DIRAS2: variants seen among roughly 807,000 people sequenced by gnomAD.
DIRAS2 encodes DIRAS family GTPase 2.
In DIRAS2, 5 loss-of-function variants were observed where a neutral mutation model predicts 13.9. The ratio of observed to expected loss-of-function variants is 0.36; its 90% CI spans 0.19 to 0.76. The LOEUF (loss-of-function observed/expected upper bound fraction) is 0.76, where lower values mean the gene tolerates loss of function less well. Ranked by LOEUF, DIRAS2 falls within the 30% of genes least tolerant of loss-of-function variation. The probability of loss-of-function intolerance (pLI) is 0.53; values close to 1 mark genes in which losing one functional copy is unlikely to be tolerated. For synonymous variants in DIRAS2, 111 were observed against 105.4 expected, an observed-to-expected ratio of 1.05 and a Z score of -0.33; for missense variants, 191 against 263.0, an observed-to-expected ratio of 0.73 and a Z score of 1.89.
At position 90,629,032 on chromosome 9, in the gene DIRAS2, T is replaced by C. The variant is rs1228537573; in HGVS notation, c.-37+13720A>G. Among the ~76,000 whole-genome samples the C allele has an allele frequency of 5.3e-5, 8 of 151,992 alleles. No individual in the cohort carries two copies. The South Asian group carries it at 1.0e-3, about 20-fold the overall frequency. ...ACCACGCCCGGCTAATTTTTTGTATTTTTAGTAGAGACGGGGTTTCACCGT... is the reference window on the plus strand; with the variant it reads ...ACCACGCCCGGCTAATTTTTTGTATCTTTAGTAGAGACGGGGTTTCACCGT... On this transcript the variant is annotated intron_variant, in intron 1 of 1. Transcript: ENST00000375765.
intron 1 of DIRAS2, among the ~76,000 whole-genome samples, chr9:90,637,538 A>T (rs2118586867): frequency 6.6e-6 from 1 of 152,288 alleles, no homozygotes; most frequent in African/African-American, 2.4e-5. Flanking sequence ...CTATTTCCCC[A>T]AACCTTGCAT....
At chr9:90,623,636 A>C (rs1389442959) in intron 1 of DIRAS2, among the ~76,000 whole-genome samples, 13 of 152,202 alleles carry the variant, frequency 8.5e-5, no homozygotes, top group Admixed American at 8.5e-4. Flanking sequence ...CCATTCAATA[A>C]TATTTTAGAA....
rs1470511225 is a variant in DIRAS2 at position 90,610,802 on chromosome 9, A to T, written c.*2426T>A. 1 of 123,860 alleles carries T rather than the reference A, an allele frequency of 8.1e-6. No individual in the cohort carries two copies. The highest frequency in any genetic ancestry group is 1.7e-5 in the Non-Finnish European group (1 of 60,548). 7.7% of individuals were successfully genotyped at this position (123,860 alleles called of 1,614,324 possible). A position where few individuals can be genotyped will look rare whatever the true frequency, so the allele number is the denominator to read the frequency against. ...TAGCCTTCCTAGCCTATAAATTCAC[A>T]GAAAAAATATGAAGGAAAAAATGTG... On this transcript the variant is annotated 3_prime_UTR_variant, in exon 2 of 2. Coordinates refer to ENST00000375765, the MANE Select transcript of DIRAS2 (RefSeq NM_017594.5).
intron 1 of DIRAS2, among the ~76,000 whole-genome samples, chr9:90,617,946 C>T (rs370806068): frequency 3.5e-4 from 54 of 152,230 alleles, no homozygotes; most frequent in African/African-American, 1.3e-3. Flanking sequence ...AAAAGCACCC[C>T]ATGTCATGTA....
At chr9:90,630,094 C>A (rs1424401960) in intron 1 of DIRAS2, among the ~76,000 whole-genome samples, 4 of 152,180 alleles carry the variant, frequency 2.6e-5, no homozygotes, top group Non-Finnish European at 5.9e-5. Flanking sequence ...CTCTCCTACT[C>A]CCTACTCGAA....
rs934163958 is a variant in DIRAS2 at position 90,609,905 on chromosome 9, G to A, written c.*3323C>T. ...GAACATCACTGGCAACTAGAAACTT[G>A]TATGCAAGGGTGATTTTTATAACCG... On this transcript the variant is annotated 3_prime_UTR_variant, in exon 2 of 2. Coordinates refer to ENST00000375765, the MANE Select transcript of DIRAS2 (RefSeq NM_017594.5). 3.9e-5 allele frequency: 6 copies of A among 152,176 alleles called. No individual in the cohort carries two copies. Among genetic ancestry groups the A allele is most frequent in the African/African-American group, 1.4e-4 (6 of 41,426 alleles). 9.4% of individuals were successfully genotyped at this position (152,176 alleles called of 1,614,324 possible).
At position 90,613,328 on chromosome 9, in the gene DIRAS2, T is replaced by C; in HGVS notation, c.500A>G (p.Asn167Ser). Residue 167 changes from asparagine (N) to serine (S), a missense_variant, in exon 2 of 2, where the codon AAC becomes AGC. Asn to Ser is a conservative substitution (Grantham distance 46). Transcript: ENST00000375765. The surrounding 1 kb of genome is among the most constrained non-coding windows in gnomAD (Gnocchi z 5.6). ...NVKELFQELL[N>S]LEKRRTVSLQ... ...ACTCACGGTCCTGCGCTTCTCCAGGTTGAGCAGCTCCTGGAAAAGCTCCTT... is the reference window on the plus strand; with the variant it reads ...ACTCACGGTCCTGCGCTTCTCCAGGCTGAGCAGCTCCTGGAAAAGCTCCTT... The C allele has an allele frequency of 1.9e-6, 3 of 1,614,040 alleles. No homozygotes were observed. The highest frequency in any genetic ancestry group is 1.7e-6 in the Non-Finnish European group (2 of 1,180,008).
intron 1 of DIRAS2, among the ~76,000 whole-genome samples, chr9:90,631,193 C>A (rs1228739568): frequency 6.6e-6 from 1 of 152,102 alleles, no homozygotes; most frequent in Non-Finnish European, 1.5e-5. Context: ...CTGTGGAAAC[C>A]TGTGTGTGGG....
At chr9:90,635,250 G>A (rs1305968211) in intron 1 of DIRAS2, among the ~76,000 whole-genome samples, 1 of 152,196 alleles carries the variant, frequency 6.6e-6, no homozygotes, top group East Asian at 1.9e-4. Flanking sequence ...GGTATCTGGG[G>A]ACAGAATCTT....
Sources: gnomAD v4.1 joint callset for allele counts (sites outside exome capture counted in the v4.1 genomes callset) on GRCh38, gnomAD v4.1.1 for gene constraint, Gnocchi (gnomAD v3.1) non-coding constraint, MANE v1.5 for transcripts, NCBI Gene and HGNC (gene_info 2026-07-23, HGNC 2026-07-21) for gene names.